PDX1: variants seen among roughly 807,000 people sequenced by gnomAD.
PDX1 encodes the protein pancreas/duodenum homeobox protein 1.
In PDX1, 7 loss-of-function variants were observed where a neutral mutation model predicts 11.1. The observed-to-expected ratio is 0.63, with a 90% CI of 0.36 to 1.19. PDX1 has a LOEUF of 1.19. PDX1 is among the 50% of genes most tolerant of loss of function. The pLI, the probability that PDX1 is intolerant of heterozygous loss-of-function variation, is 0.02. For synonymous variants in PDX1, 232 were observed against 196.2 expected, an observed-to-expected ratio of 1.18 and a Z score of -1.53; for missense variants, 449 against 412.1, an observed-to-expected ratio of 1.09 and a Z score of -0.78.
rs1267258521 is a variant in PDX1, at chr13:27,920,357, C to T, written c.219C>T (p.Leu73=). 1.3e-6 allele frequency: 2 copies of T among 1,544,028 alleles called. No homozygotes were observed. Among genetic ancestry groups the T allele is most frequent in the African/African-American group, 1.4e-5 (1 of 72,882 alleles). Reference sequence around the variant, plus strand: ...TCTCCCCGTACGAGGTGCCCCCCCTCGCCGACGACCCCGCGGTGGCGCACC... The same window carrying T: ...TCTCCCCGTACGAGGTGCCCCCCCTTGCCGACGACCCCGCGGTGGCGCACC... The part of the protein sequence containing the change: ...PDISPYEVPP[L]ADDPAVAHLH... Residue 73 remains leucine (L), a synonymous_variant, in exon 1 of 2, where the codon CTC becomes CTT. Transcript: ENST00000381033.
chr13:27,924,274 A>T lies in PDX1; in HGVS notation c.425A>T (p.Glu142Val). Residue 142 changes from glutamate (E) to valine (V), a missense_variant, in exon 2 of 2, where the codon GAG (glutamate) becomes GTG (valine). This residue lies in a region of PDX1 where 263 missense variants were observed against 212.5 expected (regional missense o/e 1.24). Transcript: ENST00000381033. The surrounding 1 kb of genome is among the most constrained non-coding windows in gnomAD (Gnocchi z 4.8). The part of the protein sequence containing the change: ...GQWAGGAYAA[E>V]PEENKRTRTA... Reference sequence around the variant, plus strand: ...CCCGCAGGCGGCGCCTACGCTGCGGAGCCGGAGGAGAACAAGCGGACGCGC... The same window carrying T: ...CCCGCAGGCGGCGCCTACGCTGCGGTGCCGGAGGAGAACAAGCGGACGCGC... 3 of 1,606,530 alleles carry T rather than the reference A, an allele frequency of 1.9e-6. No homozygotes were observed. The highest frequency in any genetic ancestry group is 2.6e-6 in the Non-Finnish European group (3 of 1,176,470).
rs749996964 is a variant in PDX1 at position 27,924,483 on chromosome 13, G to C, written c.634G>C (p.Gly212Arg). The C allele has an allele frequency of 1.2e-6, 2 of 1,612,634 alleles. No homozygotes were observed. Among genetic ancestry groups the C allele is most frequent in the African/African-American group, 2.7e-5 (2 of 74,986 alleles). The change falls in exon 2 of 2, where the codon GGG (glycine) becomes CGG (arginine). Residue 212 changes from glycine to arginine, a missense_variant. Coordinates refer to ENST00000381033, the MANE Select transcript of PDX1 (RefSeq NM_000209.4). This position sits in a 1 kb window ranked among gnomAD's most constrained non-coding sequence, Gnocchi z 4.8. The stretch of plus-strand genomic sequence containing the variant: ...GGAGGAGGACAAGAAGCGCGGCGGC[G>C]GGACAGCTGTCGGGGGTGGCGGGGT... The part of the protein sequence containing the change: ...KKEEDKKRGG[G>R]TAVGGGGVAE...
rs1957778753 is a variant in PDX1, at chr13:27,920,597, T to G, written c.406+53T>G. ...CTTTCCGGTTCTCACCCGGCCGCCT[T>G]ACCTCCAAGCGCTCCCAGGAGCCTT... is the stretch of plus-strand genomic sequence containing the variant. On this transcript the variant is annotated intron_variant, in intron 1 of 1. Coordinates refer to ENST00000381033, the MANE Select transcript of PDX1 (RefSeq NM_000209.4). The G allele has an allele frequency of 4.4e-6, 7 of 1,582,070 alleles. No homozygotes were observed. In the Admixed American group the frequency reaches 6.7e-5, roughly 15 times the overall value.
rs573752557 is a variant in PDX1 at position 27,920,487 on chromosome 13, C to A, written c.349C>A (p.Leu117Met). 5.6e-5 allele frequency: 91 copies of A among 1,611,844 alleles called. No individual in the cohort carries two copies. Among genetic ancestry groups the A allele is most frequent in the Non-Finnish European group, 7.4e-5 (87 of 1,179,618 alleles). Residue 117 changes from leucine to methionine, a missense_variant, in exon 1 of 2, where the codon CTG (leucine) becomes ATG (methionine). Around this residue, in one of 3 missense-constraint regions of PDX1, gnomAD observed 263 missense variants for 212.5 expected, o/e 1.24. Transcript: ENST00000381033. ...GVLEEPNRVQLPFPWMKSTKA... is the reference protein window; with the variant it reads ...GVLEEPNRVQMPFPWMKSTKA... ...CCTGGAGGAGCCCAACCGCGTCCAG[C>A]TGCCTTTCCCATGGATGAAGTCTAC... is the stretch of plus-strand genomic sequence containing the variant.
At chr13:27,923,432 C>G (rs1039849924) in intron 1 of PDX1, among the ~76,000 whole-genome samples, 10 of 152,242 alleles carry the variant, frequency 6.6e-5, no homozygotes, top group Non-Finnish European at 1.3e-4. Flanking sequence ...GAGTTCTGCC[C>G]TGGCCAACGT....
At position 27,926,017 on chromosome 13, in the gene PDX1, T is replaced by C. The variant is rs776354464; in HGVS notation, c.*1316T>C. 6.6e-6 allele frequency: 1 copy of C among 152,240 alleles called. No individual in the cohort carries two copies. The highest frequency in any genetic ancestry group is 1.5e-5 in the Non-Finnish European group (1 of 68,052). The allele number at this position is 152,240 out of a possible 1,614,324, so 9.4% of individuals were successfully genotyped here. ...CAACTATTCACGAGCCAGTATGACC[T>C]TCACATCTTTAGAAATTATGAAAAC... On this transcript the variant is annotated 3_prime_UTR_variant, in exon 2 of 2. Coordinates refer to ENST00000381033, the MANE Select transcript of PDX1 (RefSeq NM_000209.4).
In PDX1 at chr13:27,920,353, C is replaced by A; in HGVS notation, c.215C>A (p.Pro72His). Residue 72 changes from proline to histidine, a missense_variant, in exon 1 of 2, where the codon CCC becomes CAC. Pro to His is a moderately conservative substitution (Grantham distance 77). Coordinates refer to ENST00000381033, the MANE Select transcript of PDX1 (RefSeq NM_000209.4). ...GACATCTCCCCGTACGAGGTGCCCCCCCTCGCCGACGACCCCGCGGTGGCG... is the reference window on the plus strand; with the variant it reads ...GACATCTCCCCGTACGAGGTGCCCCACCTCGCCGACGACCCCGCGGTGGCG... ...PPDISPYEVP[P>H]LADDPAVAHL... 2.6e-6 allele frequency: 4 copies of A among 1,539,352 alleles called. No individual in the cohort carries two copies. The highest frequency in any genetic ancestry group is 3.5e-6 in the Non-Finnish European group (4 of 1,139,252).
rs987059380 is a variant in PDX1, at chr13:27,926,042, C to T, written c.*1341C>T. ...TTCACATCTTTAGAAATTATGAAAACGTATGTGATTGGAGGGTTTGGAAAA... is the reference window on the plus strand; with the variant it reads ...TTCACATCTTTAGAAATTATGAAAATGTATGTGATTGGAGGGTTTGGAAAA... On this transcript the variant is annotated 3_prime_UTR_variant, in exon 2 of 2. Transcript: ENST00000381033. 6.6e-6 allele frequency: 1 copy of T among 152,146 alleles called. No homozygotes were observed. The highest frequency in any genetic ancestry group is 1.5e-5 in the Non-Finnish European group (1 of 68,032). 9.4% of individuals were successfully genotyped at this position (152,146 alleles called of 1,614,324 possible).
rs1957814173 is a variant in PDX1, at chr13:27,924,856, C to G, written c.*155C>G. On this transcript the variant is annotated 3_prime_UTR_variant, in exon 2 of 2. Transcript: ENST00000381033. The surrounding 1 kb of genome is among the most constrained non-coding windows in gnomAD (Gnocchi z 4.8). ...TAGACCGAAGGGGAAAACCCGCTCT[C>G]TCAGGCGCATGTGCCAGTTGGGGCC... The G allele has an allele frequency of 8.2e-6, 5 of 610,200 alleles. No individual in the cohort carries two copies. In the Admixed American group the frequency reaches 2.2e-4, roughly 27 times the overall value. The allele number at this position is 610,200 out of a possible 1,614,324, so 37.8% of individuals were successfully genotyped here.
rs913578374 is a variant in PDX1 at position 27,920,203 on chromosome 13, G to A, written c.65G>A (p.Arg22Gln). 3 of 1,549,528 alleles carry A rather than the reference G, an allele frequency of 1.9e-6. No individual in the cohort carries two copies. Among genetic ancestry groups the A allele is most frequent in the Non-Finnish European group, 2.6e-6 (3 of 1,146,544 alleles). The change falls in exon 1 of 2, where the codon CGA (arginine) becomes CAA (glutamine). Residue 22 changes from arginine to glutamine, a missense_variant. Transcript: ENST00000381033. ...QLYKDPCAFQ[R>Q]GPAPEFSASP... ...TACAAGGACCCATGCGCGTTCCAGC[G>A]AGGCCCGGCGCCGGAGTTCAGCGCC...
At position 27,924,851 on chromosome 13, in the gene PDX1, GCT is replaced by G. The variant is rs1459829542; in HGVS notation, c.*156_*157del. 3.2e-6 allele frequency: 2 copies of G among 618,232 alleles called. No individual in the cohort carries two copies. Among genetic ancestry groups the G allele is most frequent in the Non-Finnish European group, 4.8e-6 (2 of 420,060 alleles). 38.3% of individuals were successfully genotyped at this position (618,232 alleles called of 1,614,324 possible). On this transcript the variant is annotated 3_prime_UTR_variant, in exon 2 of 2. Transcript: ENST00000381033. The surrounding 1 kb of genome is among the most constrained non-coding windows in gnomAD (Gnocchi z 4.8). ...CACCTTAGACCGAAGGGGAAAACCC[GCT>G]CTCTCAGGCGCATGTGCCAGTTGGG... is the stretch of plus-strand genomic sequence containing the variant.
rs1435965192 is a variant in PDX1, at chr13:27,920,206, G to T, written c.68G>T (p.Gly23Val). Reference sequence around the variant, plus strand: ...AAGGACCCATGCGCGTTCCAGCGAGGCCCGGCGCCGGAGTTCAGCGCCAGC... The same window carrying T: ...AAGGACCCATGCGCGTTCCAGCGAGTCCCGGCGCCGGAGTTCAGCGCCAGC... ...LYKDPCAFQR[G>V]PAPEFSASPP... Residue 23 changes from glycine to valine, a missense_variant, in exon 1 of 2, where the codon GGC becomes GTC. By Grantham distance (109) the Gly-to-Val change is moderately radical. This residue lies in a region of PDX1 where 263 missense variants were observed against 212.5 expected (regional missense o/e 1.24). Transcript: ENST00000381033. 6.5e-7 allele frequency: 1 copy of T among 1,549,476 alleles called. No homozygotes were observed. The highest frequency in any genetic ancestry group is 1.2e-5 in the South Asian group (1 of 84,022).
In PDX1 at chr13:27,920,185, A is replaced by T. The variant is rs1333313782; in HGVS notation, c.47A>T (p.Asp16Val). 1 of 1,549,882 alleles carries T rather than the reference A, an allele frequency of 6.5e-7. No individual in the cohort carries two copies. The highest frequency in any genetic ancestry group is 8.7e-7 in the Non-Finnish European group (1 of 1,146,674). ...QYYAATQLYK[D>V]PCAFQRGPAP... ...TACGCGGCCACGCAGCTTTACAAGG[A>T]CCCATGCGCGTTCCAGCGAGGCCCG... The change falls in exon 1 of 2, where the codon GAC becomes GTC. Residue 16 changes from aspartate to valine, a missense_variant. Transcript: ENST00000381033.
intron 1 of PDX1, among the ~76,000 whole-genome samples, chr13:27,923,911 C>CTAT (rs909895297): frequency 1.3e-5 from 2 of 152,170 alleles, no homozygotes; most frequent in African/African-American, 4.8e-5. Flanking sequence ...GCCGGTTTAA[C>CTAT]TATTATATAC....
Position 27,924,174 on chromosome 13 carries a change from C to A in PDX1, c.407-82C>A, listed in dbSNP as rs1957806484. 1.6e-6 allele frequency: 2 copies of A among 1,242,590 alleles called. No homozygotes were observed. The highest frequency in any genetic ancestry group is 2.2e-6 in the Non-Finnish European group (2 of 919,574). The allele number at this position is 1,242,590 out of a possible 1,614,324, so 77.0% of individuals were successfully genotyped here. On this transcript the variant is annotated intron_variant, in intron 1 of 1. Transcript: ENST00000381033. This position sits in a 1 kb window ranked among gnomAD's most constrained non-coding sequence, Gnocchi z 4.8. Reference sequence around the variant, plus strand: ...AGCTGGTAGGGCTAGGGCTCCCTGGCCCCCCTTGAAGGGGTTGGGCTGCGT... The same window carrying A: ...AGCTGGTAGGGCTAGGGCTCCCTGGACCCCCTTGAAGGGGTTGGGCTGCGT...
chr13:27,923,423 A>G (rs1593169956), intron 1 of PDX1, among the ~76,000 whole-genome samples: 1 of 152,224 alleles, frequency 6.6e-6, no homozygotes, highest in East Asian at 1.9e-4. Context: ...GAGCTGCCAG[A>G]GTTCTGCCCT....
Position 27,924,599 on chromosome 13 carries a change from C to G in PDX1, c.750C>G (p.Pro250=). 6.8e-7 allele frequency: 1 copy of G among 1,462,430 alleles called. No homozygotes were observed. 90.6% of individuals were successfully genotyped at this position (1,462,430 alleles called of 1,614,324 possible). A position where few individuals can be genotyped will look rare whatever the true frequency, so the allele number is the denominator to read the frequency against. ...PPPPPGGAVP[P]AAPVAAREGR... is the part of the protein sequence containing the mutation. ...CGCCCCCCGGAGGTGCTGTGCCGCC[C>G]GCTGCCCCCGTTGCCGCCCGAGAGG... The change falls in exon 2 of 2, where the codon CCC becomes CCG. Residue 250 remains proline, a synonymous_variant. Coordinates refer to ENST00000381033, the MANE Select transcript of PDX1 (RefSeq NM_000209.4). This position sits in a 1 kb window ranked among gnomAD's most constrained non-coding sequence, Gnocchi z 4.8.
rs1054196405 is a variant in PDX1 at position 27,921,437 on chromosome 13, C to T, written c.406+893C>T. Among the ~76,000 whole-genome samples, 3 of 152,362 alleles carry T rather than the reference C, an allele frequency of 2.0e-5. No homozygotes were observed. In the East Asian group the frequency reaches 5.8e-4, roughly 29 times the overall value. On this transcript the variant is annotated intron_variant, in intron 1 of 1. Coordinates refer to ENST00000381033, the MANE Select transcript of PDX1 (RefSeq NM_000209.4). The stretch of plus-strand genomic sequence containing the variant: ...GGGGTAGCCCCCGGGTCCTTTGCGG[C>T]CCCGCGCGAGCGGCAAGTTCCGGCG...
At position 27,920,217 on chromosome 13, in the gene PDX1, G is replaced by A. The variant is rs1384209067; in HGVS notation, c.79G>A (p.Glu27Lys). 1.3e-6 allele frequency: 2 copies of A among 1,549,122 alleles called. No homozygotes were observed. Among genetic ancestry groups the A allele is most frequent in the Admixed American group, 3.9e-5 (2 of 50,978 alleles). Reference protein sequence around the residue: ...PCAFQRGPAPEFSASPPACLY... With the variant: ...PCAFQRGPAPKFSASPPACLY... The stretch of plus-strand genomic sequence containing the variant: ...CGCGTTCCAGCGAGGCCCGGCGCCG[G>A]AGTTCAGCGCCAGCCCCCCTGCGTG... The change falls in exon 1 of 2, where the codon GAG becomes AAG. Residue 27 changes from glutamate to lysine, a missense_variant. By Grantham distance (56) the Glu-to-Lys change is moderately conservative (BLOSUM62 1). Transcript: ENST00000381033.
Sources: gnomAD v4.1 joint callset for allele counts (sites outside exome capture counted in the v4.1 genomes callset) on GRCh38, gnomAD v4.1.1 for gene constraint, gnomAD v4.1.1 regional missense constraint, Gnocchi (gnomAD v3.1) non-coding constraint, MANE v1.5 for transcripts, NCBI Gene and HGNC (gene_info 2026-07-23, HGNC 2026-07-21) for gene names.